Variants in TBC1D2 observed in about 807,000 individuals in gnomAD.
The protein encoded by TBC1D2 is TBC1 domain family member 2.
Under a neutral mutation model 91.1 loss-of-function variants are expected in TBC1D2, and 58 were observed. That is an observed-to-expected ratio of 0.64 (90% CI 0.52 to 0.79). TBC1D2 has a LOEUF of 0.79. Ranked by LOEUF, TBC1D2 falls within the 30% of genes least tolerant of loss-of-function variation. TBC1D2 has a pLI of 0.00. For missense variants in TBC1D2, 1,080 were observed against 1,208.3 expected, an observed-to-expected ratio of 0.89 and a Z score of 1.57; for synonymous variants, 482 against 511.5, an observed-to-expected ratio of 0.94 and a Z score of 0.78.
Position 98,203,312 on chromosome 9 carries a change from G to T in TBC1D2, c.2247C>A (p.Tyr749Ter). 6.2e-7 allele frequency: 1 copy of T among 1,614,248 alleles called. No individual in the cohort carries two copies. The highest frequency in any genetic ancestry group is 2.2e-5 in the East Asian group (1 of 44,886). ...CCTGGGATGCCGTCAGCGTGTTGCA[G>T]TAGTAATCAGCGGGCATGATGGTCT... ...IVETIMPADY[Y>*]CNTLTASQVD... Residue 749 changes from tyrosine (Y) to a stop codon, truncating the protein, a stop_gained, in exon 10 of 13, where the codon TAC becomes TAA. Transcript: ENST00000465784. LOFTEE classifies it high-confidence loss of function.
intron 8 of TBC1D2, among the ~76,000 whole-genome samples, chr9:98,210,364 C>G (rs981592608): frequency 1.1e-4 from 16 of 152,206 alleles, no homozygotes; most frequent in African/African-American, 3.6e-4. Context: ...CTCGTCCCCT[C>G]TCTGACAGGC....
intron 11 of TBC1D2, among the ~76,000 whole-genome samples, chr9:98,201,199 G>A (rs1269162769): frequency 1.3e-5 from 2 of 152,138 alleles, no homozygotes; most frequent in African/African-American, 4.8e-5. Context: ...GGAAGAAAAG[G>A]AGGGCCCAGG....
chr9:98,243,517 A>G (rs948306911), intron 3 of TBC1D2, among the ~76,000 whole-genome samples: 1 of 148,014 alleles, frequency 6.8e-6, no homozygotes, highest in Non-Finnish European at 1.5e-5. Context: ...AACATGTACC[A>G]CTTTTCCAAT....
At chr9:98,202,213 A>G (rs1175216434) in intron 10 of TBC1D2, among the ~76,000 whole-genome samples, 1 of 152,142 alleles carries the variant, frequency 6.6e-6, no homozygotes, top group East Asian at 1.9e-4. Flanking sequence ...TCTTCTCAAA[A>G]CAGGGTGCTC....
In TBC1D2 at chr9:98,246,300, G is replaced by T. The variant is rs536833159; in HGVS notation, c.512-2171C>A. ...CACTATATCTGCAAAAAGGGTGTGG[G>T]TATAAAAATATTAAATATAATGATG... On this transcript the variant is annotated intron_variant, in intron 2 of 12. Coordinates refer to ENST00000465784, the MANE Select transcript of TBC1D2 (RefSeq NM_001267571.2). 6.2e-4 allele frequency among the ~76,000 whole-genome samples: 95 copies of T among 152,248 alleles called. 1 individual carries two copies. The highest frequency in any genetic ancestry group is 1.1e-3 in the Non-Finnish European group (72 of 68,022).
At chr9:98,201,743 G>A in intron 10 of TBC1D2, 79 bp from the exon 11 acceptor site, 1 of 1,425,650 alleles carries the variant, frequency 7.0e-7, no homozygotes, top group South Asian at 1.3e-5. Context: ...TTCCTACCCA[G>A]TCAGTCCACA....
chr9:98,252,963 T>C (rs545309901), intron 1 of TBC1D2, among the ~76,000 whole-genome samples: 15 of 152,126 alleles, frequency 9.9e-5, no homozygotes, highest in South Asian at 6.2e-4. Context: ...ATCAATAAGA[T>C]AAATGATGCC....
chr9:98,236,406 A>C (rs1053152002), intron 3 of TBC1D2, among the ~76,000 whole-genome samples: 1 of 152,134 alleles, frequency 6.6e-6, no homozygotes, highest in African/African-American at 2.4e-5. Context: ...TATTTTTAGT[A>C]GAGACAGGGT....
intron 2 of TBC1D2, among the ~76,000 whole-genome samples, chr9:98,248,016 T>C (rs1829801524): frequency 6.6e-6 from 1 of 152,108 alleles, no homozygotes; most frequent in South Asian, 2.1e-4. Context: ...AGCCAAGTCC[T>C]GGGGGTTGTC....
At chr9:98,204,892 A>G (rs980659112) in intron 9 of TBC1D2, among the ~76,000 whole-genome samples, 1 of 152,236 alleles carries the variant, frequency 6.6e-6, no homozygotes, top group African/African-American at 2.4e-5. Context: ...CAGGGCAGAC[A>G]TAACTAACTG....
intron 2 of TBC1D2, 122 bp downstream of exon 2, chr9:98,251,663 G>A: frequency 7.2e-7 from 1 of 1,380,312 alleles, no homozygotes; most frequent in Middle Eastern, 2.2e-4. Context: ...CTAATCCTGA[G>A]TCATATCCCT....
chr9:98,241,696 T>G (rs143054618), intron 3 of TBC1D2, among the ~76,000 whole-genome samples: 1 of 152,288 alleles, frequency 6.6e-6, no homozygotes, highest in South Asian at 2.1e-4. Flanking sequence ...GCTGGCTGGA[T>G]AGCTGGACTT....
chr9:98,218,894 A>C (rs1403759851), intron 6 of TBC1D2, among the ~76,000 whole-genome samples: 1 of 152,186 alleles, frequency 6.6e-6, no homozygotes, highest in Non-Finnish European at 1.5e-5. Context: ...TGCACAGTGG[A>C]TTCCGGCAGT....
chr9:98,214,692 A>T (rs1828927265), intron 6 of TBC1D2, among the ~76,000 whole-genome samples: 1 of 152,228 alleles, frequency 6.6e-6, no homozygotes, highest in African/African-American at 2.4e-5. Flanking sequence ...CACAGCCCAC[A>T]GGTGGTCCTG....
At chr9:98,200,620 T>C (rs1045229709) in intron 11 of TBC1D2, among the ~76,000 whole-genome samples, 1 of 152,220 alleles carries the variant, frequency 6.6e-6, no homozygotes, top group African/African-American at 2.4e-5. Context: ...GACAGAGTCC[T>C]GGCTCTAGCC....
intron 6 of TBC1D2, among the ~76,000 whole-genome samples, chr9:98,214,201 G>A (rs138101099): frequency 2.3e-4 from 35 of 150,826 alleles, no homozygotes; most frequent in African/African-American, 8.3e-4. Context: ...TGGCCAGGTT[G>A]ATTTGGAAAT....
rs754731218 is a variant in TBC1D2, at chr9:98,255,396, CAG to C, written c.144_145del (p.Cys49TrpfsTer5). On this transcript the variant is annotated frameshift_variant, in exon 1 of 13. Coordinates refer to ENST00000465784, the MANE Select transcript of TBC1D2 (RefSeq NM_001267571.2). LOFTEE classifies it high-confidence loss of function. ...GCCGCCGAACTTACTTAAATACCCACAGAGTTTCTTGGGGACCGCCTCCAGGG... is the reference window on the plus strand; with the variant it reads ...GCCGCCGAACTTACTTAAATACCCACAGTTTCTTGGGGACCGCCTCCAGGG... The C allele has an allele frequency of 5.0e-6, 8 of 1,614,082 alleles. No homozygotes were observed. The East Asian group carries it at 6.7e-5, about 13-fold the overall frequency.
Position 98,233,482 on chromosome 9 carries a change from C to T in TBC1D2, c.715G>A (p.Asp239Asn). The change falls in exon 4 of 13, where the codon GAT becomes AAT. Residue 239 changes from aspartate (D) to asparagine (N), a missense_variant. Asp to Asn is a conservative substitution (Grantham distance 23, BLOSUM62 1). Transcript: ENST00000465784. Reference protein sequence around the residue: ...QGTGHEPPGEDSPQSGEPQRE... With the variant: ...QGTGHEPPGENSPQSGEPQRE... ...TGAGGCTCCCCACTCTGTGGAGAAT[C>T]TTCCCCTGGAGGTTCATGGCCTGTT... 6.2e-7 allele frequency: 1 copy of T among 1,614,162 alleles called. No individual in the cohort carries two copies.
At chr9:98,208,006 C>T (rs1237512309) in intron 9 of TBC1D2, among the ~76,000 whole-genome samples, 3 of 152,164 alleles carry the variant, frequency 2.0e-5, no homozygotes, top group African/African-American at 7.2e-5. Flanking sequence ...GGGTCTTCTG[C>T]ATGGGTTTCA....
Sources: gnomAD v4.1 joint callset for allele counts (sites outside exome capture counted in the v4.1 genomes callset) on GRCh38, gnomAD v4.1.1 for gene constraint, MANE v1.5 for transcripts, NCBI Gene and HGNC (gene_info 2026-07-23, HGNC 2026-07-21) for gene names.